The following PLEKHA2 variants were observed in gnomAD, a reference collection of about 807,000 sequenced individuals.
The protein encoded by PLEKHA2 is pleckstrin homology domain-containing family A member 2.
In PLEKHA2, 28 loss-of-function variants were observed where a neutral mutation model predicts 53.2. That is an observed-to-expected ratio of 0.53 (90% CI 0.39 to 0.72). The LOEUF is 0.72. Among genes scored for constraint, PLEKHA2 ranks in the 30% least tolerant of loss-of-function variants. PLEKHA2 has a pLI of 0.00. For synonymous variants in PLEKHA2, 193 were observed against 196.4 expected, an observed-to-expected ratio of 0.98 and a Z score of 0.14; for missense variants, 426 against 537.9, an observed-to-expected ratio of 0.79 and a Z score of 2.06.
At chr8:38,921,891 A>T (rs1834200885) in intron 2 of PLEKHA2, among the ~76,000 whole-genome samples, 1 of 152,256 alleles carries the variant, frequency 6.6e-6, no homozygotes, top group Non-Finnish European at 1.5e-5. Flanking sequence ...GTGAACAGCC[A>T]AACGGCCACT....
chr8:38,945,048 G>A (rs1331152678), intron 4 of PLEKHA2, among the ~76,000 whole-genome samples: 1 of 152,142 alleles, frequency 6.6e-6, no homozygotes, highest in South Asian at 2.1e-4. Flanking sequence ...ATAGTGACAT[G>A]TTGGGGGATG....
rs762805879 is a variant in PLEKHA2 at position 38,943,850 on chromosome 8, C to T, written c.247+13C>T. On this transcript the variant is annotated intron_variant, in intron 4 of 11. Coordinates refer to ENST00000617275, the MANE Select transcript of PLEKHA2 (RefSeq NM_021623.2). ...CCATTTTGCTTTGGTAAGTACTGAG[C>T]CAGGGGAGGGACTCATTTAATATTG... The T allele has an allele frequency of 7.6e-6, 12 of 1,569,550 alleles. No homozygotes were observed. Among genetic ancestry groups the T allele is most frequent in the South Asian group, 4.8e-5 (4 of 83,982 alleles).
intron 6 of PLEKHA2, 87 bp from the exon 7 acceptor site, chr8:38,952,079 G>A (rs1431161733): frequency 2.7e-6 from 4 of 1,457,562 alleles, no homozygotes; most frequent in African/African-American, 1.4e-5. Flanking sequence ...AGGGCAAAGA[G>A]GCCAGAGATT....
chr8:38,969,172 A>G (rs745564463), intron 11 of PLEKHA2, among the ~76,000 whole-genome samples: 2 of 152,094 alleles, frequency 1.3e-5, no homozygotes, highest in Admixed American at 6.5e-5. Flanking sequence ...AAGTGCTGGG[A>G]TTTCAGGCAT....
Position 38,933,790 on chromosome 8 carries a change from A to AAAAAAAAAAAG in PLEKHA2, c.142-2200_142-2199insAAAAAAGAAAA, listed in dbSNP as rs71216697. Among the ~76,000 whole-genome samples the AAAAAAAAAAAG allele has an allele frequency of 1.7e-3, 152 of 90,676 alleles. 8 individuals are homozygous for AAAAAAAAAAAG. The highest frequency in any genetic ancestry group is 4.7e-3 in the African/African-American group (123 of 26,016). The allele number at this position is 90,676 out of a possible 152,430, so 59.5% of individuals were successfully genotyped here. Reference sequence around the variant, plus strand: ...AATAGAGGTTTCCTAAAAAAAAAAAAAAAAGAAAAGAAAGAAAAGCAGTCG... The same window carrying AAAAAAAAAAAG: ...AATAGAGGTTTCCTAAAAAAAAAAAAAAAAAAAAAAGAAAAGAAAAGAAAGAAAAGCAGTCG... On this transcript the variant is annotated intron_variant, in intron 2 of 11. Transcript: ENST00000617275.
intron 2 of PLEKHA2, among the ~76,000 whole-genome samples, chr8:38,933,658 G>A (rs370604984): frequency 1.3e-5 from 2 of 151,610 alleles, no homozygotes; most frequent in Non-Finnish European, 2.9e-5. Flanking sequence ...TGCCCAGAGC[G>A]GTTCTCATTC....
intron 2 of PLEKHA2, among the ~76,000 whole-genome samples, chr8:38,920,362 G>A (rs569064995): frequency 1.3e-5 from 2 of 152,082 alleles, no homozygotes; most frequent in South Asian, 2.1e-4. Context: ...CACTGTGTTA[G>A]CCAGGATGGT....
intron 11 of PLEKHA2, 26 bp downstream of exon 11, chr8:38,968,695 A>C: frequency 6.2e-7 from 1 of 1,611,548 alleles, no homozygotes; most frequent in Non-Finnish European, 8.5e-7. Context: ...TCTGTTGCAC[A>C]GTGTCAACTC....
At chr8:38,956,545 ATCC>A (rs1188918297) in intron 9 of PLEKHA2, among the ~76,000 whole-genome samples, 1 of 152,130 alleles carries the variant, frequency 6.6e-6, no homozygotes, top group Non-Finnish European at 1.5e-5. Context: ...CATACCTGTA[ATCC>A]CAGGACTTTG....
intron 2 of PLEKHA2, among the ~76,000 whole-genome samples, chr8:38,918,909 A>G (rs1460553218): frequency 1.3e-5 from 2 of 152,244 alleles, no homozygotes; most frequent in Non-Finnish European, 2.9e-5. Context: ...CGCAGACACC[A>G]GCCAGGATCT....
At chr8:38,920,467 G>A (rs1216460028) in intron 2 of PLEKHA2, among the ~76,000 whole-genome samples, 2 of 151,832 alleles carry the variant, frequency 1.3e-5, no homozygotes, top group Non-Finnish European at 2.9e-5. Context: ...TAGAGACAAG[G>A]TTTTACCATG....
At chr8:38,952,987 T>A (rs1834875368) in intron 8 of PLEKHA2, among the ~76,000 whole-genome samples, 1 of 152,224 alleles carries the variant, frequency 6.6e-6, no homozygotes. Context: ...CTCTGTCACC[T>A]GTCACCCAGG....
chr8:38,925,725 G>A (rs1222693993), intron 2 of PLEKHA2, among the ~76,000 whole-genome samples: 1 of 152,186 alleles, frequency 6.6e-6, no homozygotes, highest in Non-Finnish European at 1.5e-5. Flanking sequence ...GATATTTGGT[G>A]CATTTTAGTA....
chr8:38,945,760 A>G (rs1160542136), intron 4 of PLEKHA2, among the ~76,000 whole-genome samples: 1 of 152,226 alleles, frequency 6.6e-6, no homozygotes, highest in Non-Finnish European at 1.5e-5. Context: ...AAAATTCTGT[A>G]TATACCGTGA....
intron 2 of PLEKHA2, among the ~76,000 whole-genome samples, chr8:38,928,300 G>GT (rs1834324516): frequency 6.8e-6 from 1 of 146,402 alleles, no homozygotes; most frequent in African/African-American, 2.6e-5. Context: ...CCAGGCTGGA[G>GT]TGCAGTGGTG....
At chr8:38,914,577 A>T (rs2152366034) in intron 1 of PLEKHA2, among the ~76,000 whole-genome samples, 1 of 152,356 alleles carries the variant, frequency 6.6e-6, no homozygotes. Context: ...TTGGGCCACC[A>T]GGAACTCCAC....
intron 5 of PLEKHA2, among the ~76,000 whole-genome samples, chr8:38,946,742 C>T (rs577348962): frequency 6.6e-6 from 1 of 152,224 alleles, no homozygotes; most frequent in South Asian, 2.1e-4. Context: ...TGCTCTTTTT[C>T]CTTGAGTTGG....
At chr8:38,950,686 A>G in intron 5 of PLEKHA2, 164 bp from the exon 6 acceptor site, 1 of 740,342 alleles carries the variant, frequency 1.4e-6, no homozygotes, top group East Asian at 2.9e-5. Context: ...GCTGGTTGAG[A>G]TGCTCATATT....
intron 2 of PLEKHA2, among the ~76,000 whole-genome samples, chr8:38,933,089 T>C (rs73674636): frequency 0.04 from 6,079 of 152,258 alleles, 418 homozygotes; most frequent in African/African-American, 0.14. Context: ...TGTGGGTTAG[T>C]GTCCGAATGG....
Sources: gnomAD v4.1 joint callset for allele counts (sites outside exome capture counted in the v4.1 genomes callset) on GRCh38, gnomAD v4.1.1 for gene constraint, MANE v1.5 for transcripts, NCBI Gene and HGNC (gene_info 2026-07-23, HGNC 2026-07-21) for gene names.